Variants in LUZP2 observed in about 807,000 individuals in gnomAD.
LUZP2 encodes the protein leucine zipper protein 2.
Under a neutral mutation model 51.6 loss-of-function variants are expected in LUZP2, and 52 were observed. That is an observed-to-expected ratio of 1.01 (90% confidence interval 0.81 to 1.27). The LOEUF (loss-of-function observed/expected upper bound fraction) is 1.27. Among genes scored for constraint, LUZP2 ranks in the 50% most tolerant of loss-of-function variants. The pLI is 0.00. For synonymous variants in LUZP2, 154 were observed against 137.3 expected (o/e 1.12, Z -0.85); for missense variants, 436 against 395.4 (o/e 1.10, Z -0.87).
chr11:24,618,055 G>T (rs949220916), intron 1 of LUZP2, among the ~76,000 whole-genome samples: 1 of 151,960 alleles, frequency 6.6e-6, no homozygotes, highest in East Asian at 1.9e-4. Context: ...CTGACACCCT[G>T]TGGAAAAAAG....
chr11:24,693,629 C>T (rs1857148211), intron 1 of LUZP2, among the ~76,000 whole-genome samples: 1 of 151,872 alleles, frequency 6.6e-6, no homozygotes, highest in South Asian at 2.1e-4. Context: ...CTATGCACTT[C>T]ATTTATTAAT....
chr11:24,824,630 T>C (rs922921935), intron 5 of LUZP2, among the ~76,000 whole-genome samples: 8 of 151,996 alleles, frequency 5.3e-5, no homozygotes, highest in Middle Eastern at 3.4e-3. Flanking sequence ...AGTCTTATAA[T>C]ATTAAAAAAT....
At chr11:24,944,375 AT>A (rs1392728822) in intron 7 of LUZP2, among the ~76,000 whole-genome samples, 1 of 152,224 alleles carries the variant, frequency 6.6e-6, no homozygotes, top group African/African-American at 2.4e-5. Context: ...CAAACAATAC[AT>A]TATAAAACTT....
rs1854613335 is a variant in LUZP2, at chr11:24,624,569, G to C, written c.63-104600G>C. Among the ~76,000 whole-genome samples, 3 of 152,282 alleles carry C rather than the reference G, an allele frequency of 2.0e-5. No individual in the cohort carries two copies. The South Asian group carries it at 6.2e-4, about 32-fold the overall frequency. On this transcript the variant is annotated intron_variant, in intron 1 of 11. Coordinates refer to ENST00000336930, the MANE Select transcript of LUZP2 (RefSeq NM_001009909.4). ...TCATTGTAAGGAATGAGGAAGGATA[G>C]GGAGATAAGAAAGCTCTTGGTAATG...
At chr11:24,568,090 C>T (rs747201872) in intron 1 of LUZP2, among the ~76,000 whole-genome samples, 4 of 151,916 alleles carry the variant, frequency 2.6e-5, no homozygotes, top group Non-Finnish European at 4.4e-5. Context: ...TTCCAAAATG[C>T]GAATAGTTTG....
intron 1 of LUZP2, among the ~76,000 whole-genome samples, chr11:24,555,528 T>C (rs1284021251): frequency 1.3e-5 from 2 of 152,178 alleles, no homozygotes; most frequent in Non-Finnish European, 2.9e-5. Flanking sequence ...ACTCAACCTC[T>C]CTCTGGTACC....
At chr11:24,796,062 A>G (rs1221294921) in intron 5 of LUZP2, among the ~76,000 whole-genome samples, 2 of 152,150 alleles carry the variant, frequency 1.3e-5, no homozygotes, top group Non-Finnish European at 2.9e-5. Flanking sequence ...AATTAATAAT[A>G]AATAAATAAA....
intron 7 of LUZP2, among the ~76,000 whole-genome samples, chr11:24,974,522 A>C (rs1590793470): frequency 6.6e-6 from 1 of 152,036 alleles, no homozygotes; most frequent in African/African-American, 2.4e-5. Context: ...GAATTTTTGC[A>C]TAAATAGTTC....
chr11:24,988,312 A>G (rs1856243144), intron 9 of LUZP2, among the ~76,000 whole-genome samples: 1 of 152,032 alleles, frequency 6.6e-6, no homozygotes, highest in African/African-American at 2.4e-5. Context: ...TTATAATACC[A>G]TTCTGGAAGA....
intron 10 of LUZP2, among the ~76,000 whole-genome samples, chr11:25,060,903 A>G (rs1858816447): frequency 6.6e-6 from 1 of 151,656 alleles, no homozygotes; most frequent in African/African-American, 2.4e-5. Context: ...TCCTTTGTCT[A>G]TTTTTCAAAT....
At chr11:24,901,697 G>A (rs1156789873) in intron 5 of LUZP2, among the ~76,000 whole-genome samples, 1 of 152,122 alleles carries the variant, frequency 6.6e-6, no homozygotes, top group Non-Finnish European at 1.5e-5. Context: ...ACCTGATCAA[G>A]TGGCTTTCAG....
intron 1 of LUZP2, among the ~76,000 whole-genome samples, chr11:24,638,539 A>G (rs561189488): frequency 9.2e-4 from 139 of 151,832 alleles, no homozygotes; most frequent in Admixed American, 2.4e-3. Context: ...AATTCAAAGT[A>G]TACAGTATTT....
At chr11:24,976,797 GT>G (rs1194061098) in intron 8 of LUZP2, 132 bp downstream of exon 8, 3 of 510,616 alleles carry the variant, frequency 5.9e-6, no homozygotes, top group Non-Finnish European at 9.6e-6. Flanking sequence ...ATATAAGATA[GT>G]TACAGAATTC....
intron 1 of LUZP2, among the ~76,000 whole-genome samples, chr11:24,631,413 C>A (rs1468992466): frequency 6.9e-6 from 1 of 144,916 alleles, no homozygotes; most frequent in South Asian, 2.1e-4. Flanking sequence ...TTTTTCTTTT[C>A]TTTTCATATC....
chr11:24,651,337 G>A (rs541399431), intron 1 of LUZP2, among the ~76,000 whole-genome samples: 17 of 152,034 alleles, frequency 1.1e-4, no homozygotes, highest in Admixed American at 2.6e-4. Context: ...CTGCTAAAGT[G>A]CCCAGCACAG....
At chr11:24,945,803 A>G (rs1590759971) in intron 7 of LUZP2, among the ~76,000 whole-genome samples, 1 of 152,002 alleles carries the variant, frequency 6.6e-6, no homozygotes, top group African/African-American at 2.4e-5. Flanking sequence ...GATTTTTAAA[A>G]AACTTTTATT....
At chr11:24,875,415 C>T (rs939882819) in intron 5 of LUZP2, among the ~76,000 whole-genome samples, 34 of 144,370 alleles carry the variant, frequency 2.4e-4, no homozygotes, top group Non-Finnish European at 6.1e-5. Context: ...ATCCATGTCC[C>T]TACAAAGGAC....
intron 5 of LUZP2, among the ~76,000 whole-genome samples, chr11:24,773,679 G>A (rs1381639551): frequency 1.3e-5 from 2 of 152,084 alleles, no homozygotes; most frequent in African/African-American, 4.8e-5. Flanking sequence ...CATGTTCTGT[G>A]GTTGTACATG....
At chr11:24,633,964 G>A (rs61875690) in intron 1 of LUZP2, among the ~76,000 whole-genome samples, 44,019 of 148,328 alleles carry the variant, frequency 0.3, 6,944 homozygotes, top group African/African-American at 0.39. Flanking sequence ...GTGTGTGTGT[G>A]TATATATAGT....
Sources: gnomAD v4.1 joint callset for allele counts (sites outside exome capture counted in the v4.1 genomes callset) on GRCh38, gnomAD v4.1.1 for gene constraint, MANE v1.5 for transcripts, NCBI Gene and HGNC (gene_info 2026-07-23, HGNC 2026-07-21) for gene names.